Variants in SLC8A1 observed in about 807,000 individuals in gnomAD.
SLC8A1 encodes sodium/calcium exchanger 1.
A neutral mutation model predicts 68.3 loss-of-function variants in SLC8A1; 18 were observed. That is an observed-to-expected ratio of 0.26 (90% CI 0.18 to 0.39). The LOEUF (loss-of-function observed/expected upper bound fraction) is 0.39. Ranked by LOEUF, SLC8A1 falls within the 10% of genes least tolerant of loss-of-function variation. SLC8A1 has a pLI of 1.00. For synonymous variants in SLC8A1, 475 were observed against 415.5 expected, an observed-to-expected ratio of 1.14 and a Z score of -1.74; for missense variants, 985 against 1,156.7, an observed-to-expected ratio of 0.85 and a Z score of 2.15.
At chr2:40,183,430 TTTAAAAAG>T (rs1477893370) in intron 2 of SLC8A1, among the ~76,000 whole-genome samples, 1 of 152,232 alleles carries the variant, frequency 6.6e-6, no homozygotes, top group African/African-American at 2.4e-5. Flanking sequence ...TGATGGCTGC[TTTAAAAAG>T]TTAAATCATT....
upstream of SLC8A1, among the ~76,000 whole-genome samples, chr2:40,454,019 T>C (rs1166553541): frequency 6.6e-6 from 1 of 152,232 alleles, no homozygotes; most frequent in Non-Finnish European, 1.5e-5. Context: ...TTGGTTAGAC[T>C]ACACTTACTA....
chr2:40,314,946 G>A (rs985597058), intron 2 of SLC8A1, among the ~76,000 whole-genome samples: 2 of 151,760 alleles, frequency 1.3e-5, no homozygotes, highest in African/African-American at 4.8e-5. Context: ...CGAATACAGA[G>A]GTTCATTTCT....
chr2:40,394,025 G>T (rs1302037920), intron 2 of SLC8A1, among the ~76,000 whole-genome samples: 1 of 152,050 alleles, frequency 6.6e-6, no homozygotes, highest in Non-Finnish European at 1.5e-5. Flanking sequence ...AGACAGTTTT[G>T]CTTGTGGCAG....
At chr2:40,393,041 T>G (rs1457942077) in intron 2 of SLC8A1, among the ~76,000 whole-genome samples, 2 of 152,122 alleles carry the variant, frequency 1.3e-5, no homozygotes, top group Admixed American at 1.3e-4. Flanking sequence ...ACTGACTGAA[T>G]TTTATCAGTG....
In SLC8A1 at chr2:40,461,742, G is replaced by A. The variant is rs181806778; in HGVS notation, c.-24-31438C>T. 1.3e-3 allele frequency among the ~76,000 whole-genome samples: 204 copies of A among 152,152 alleles called. 1 individual carries two copies. Among genetic ancestry groups the A allele is most frequent in the African/African-American group, 4.6e-3 (189 of 41,536 alleles). ...GTCTTTTGATCATATATATTCAGAA[G>A]AACATTGTTTTGTTAAAGGCAGTCT... On this transcript the variant is annotated intron_variant, in intron 1 of 7. Coordinates refer to the SLC8A1 transcript ENST00000402441.
intron 1 of SLC8A1, among the ~76,000 whole-genome samples, chr2:40,470,926 A>G (rs1036833110): frequency 3.9e-5 from 6 of 152,224 alleles, no homozygotes; most frequent in Admixed American, 2.6e-4. Context: ...AATGTAACAC[A>G]TACCACTGTA....
At chr2:40,254,339 A>C (rs1242349030) in intron 2 of SLC8A1, 1 of 148,886 alleles carries the variant, frequency 6.7e-6, no homozygotes, top group Non-Finnish European at 1.5e-5. Flanking sequence ...CAGAGCTGGC[A>C]TATTGAATTA....
chr2:40,408,860 T>C (rs936885574), intron 2 of SLC8A1, among the ~76,000 whole-genome samples: 1 of 152,054 alleles, frequency 6.6e-6, no homozygotes, highest in African/African-American at 2.4e-5. Context: ...AACTTAAGTA[T>C]TGAATCCAAA....
chr2:40,353,732 G>A (rs1383134929), intron 2 of SLC8A1, among the ~76,000 whole-genome samples: 8 of 152,108 alleles, frequency 5.3e-5, no homozygotes, highest in African/African-American at 4.8e-5. Context: ...GTCATCTTCT[G>A]CATATCCTTT....
chr2:40,215,451 C>T (rs1408397425), intron 2 of SLC8A1, among the ~76,000 whole-genome samples: 3 of 151,820 alleles, frequency 2.0e-5, no homozygotes, highest in African/African-American at 7.3e-5. Flanking sequence ...TCCTGGCTAA[C>T]AAGGTGAAAC....
chr2:40,244,838 G>A (rs952731843), intron 2 of SLC8A1, among the ~76,000 whole-genome samples: 1 of 152,172 alleles, frequency 6.6e-6, no homozygotes, highest in Non-Finnish European at 1.5e-5. Context: ...CCCGAGGAAA[G>A]GGTTGCTGGA....
chr2:40,340,563 AAAG>A (rs551106096), intron 2 of SLC8A1, among the ~76,000 whole-genome samples: 105 of 152,166 alleles, frequency 6.9e-4, no homozygotes, highest in Non-Finnish European at 1.1e-3. Flanking sequence ...TCCTTCTTAA[AAAG>A]AAGAAGAAGG....
At chr2:40,372,872 T>G (rs1387337374) in intron 2 of SLC8A1, among the ~76,000 whole-genome samples, 2 of 152,040 alleles carry the variant, frequency 1.3e-5, no homozygotes, top group African/African-American at 4.8e-5. Context: ...TAGGGAGGGA[T>G]AGCAAATTGC....
At chr2:40,106,739 T>A (rs1263750893) in exon 8 of SLC8A1, 1 of 152,220 alleles carries the variant, frequency 6.6e-6, no homozygotes, top group East Asian at 1.9e-4. Flanking sequence ...TATGATGTTA[T>A]CCTTTGCTTA....
intron 3 of SLC8A1, among the ~76,000 whole-genome samples, chr2:40,176,809 C>T (rs551552794): frequency 6.6e-6 from 1 of 152,222 alleles, no homozygotes; most frequent in Non-Finnish European, 1.5e-5. Context: ...TTGTATGCAA[C>T]TAATAAGAGC....
intron 2 of SLC8A1, among the ~76,000 whole-genome samples, chr2:40,233,133 C>T (rs1049247113): frequency 2.0e-5 from 3 of 152,128 alleles, no homozygotes; most frequent in Admixed American, 1.3e-4. Context: ...ATGGCTGGGT[C>T]AAATGGTGTT....
intron 2 of SLC8A1, among the ~76,000 whole-genome samples, chr2:40,274,211 T>C (rs2110745): frequency 0.46 from 66,719 of 146,118 alleles, 16,256 homozygotes; most frequent in East Asian, 0.73. Flanking sequence ...TGATCACATT[T>C]GCATACTAGA....
chr2:40,171,128 T>C (rs1159957791), intron 4 of SLC8A1, among the ~76,000 whole-genome samples: 2 of 152,184 alleles, frequency 1.3e-5, no homozygotes. Context: ...TGCCATATGC[T>C]TGTCATCTAA....
At chr2:40,300,418 T>A (rs1214370910) in intron 2 of SLC8A1, among the ~76,000 whole-genome samples, 1 of 152,076 alleles carries the variant, frequency 6.6e-6, no homozygotes, top group East Asian at 1.9e-4. Context: ...GAAGTTCGAG[T>A]GTTTAAAATC....
Sources: allele counts gnomAD v4.1 joint callset (sites outside exome capture counted in the v4.1 genomes callset), GRCh38; gene constraint gnomAD v4.1.1; transcripts MANE v1.5; gene names NCBI Gene and HGNC (gene_info 2026-07-23, HGNC 2026-07-21).